Variants in EPHA3 observed in about 807,000 individuals in gnomAD.
The protein encoded by EPHA3 is EPH receptor A3.
A neutral mutation model predicts 107.1 loss-of-function variants in EPHA3; 42 were observed. The observed-to-expected ratio is 0.39, with a 90% confidence interval of 0.31 to 0.51. The LOEUF (loss-of-function observed/expected upper bound fraction) is 0.51, where lower values mean the gene tolerates loss of function less well. Among genes scored for constraint, EPHA3 ranks in the 20% least tolerant of loss-of-function variants. The pLI is 0.78. For synonymous variants in EPHA3, 461 were observed against 424.8 expected, an observed-to-expected ratio of 1.09 and a Z score of -1.05; for missense variants, 1,183 against 1,211.2, an observed-to-expected ratio of 0.98 and a Z score of 0.35.
chr3:89,423,744 C>T (rs1161329245), intron 11 of EPHA3, among the ~76,000 whole-genome samples: 1 of 151,420 alleles, frequency 6.6e-6, no homozygotes, highest in East Asian at 1.9e-4. Context: ...TCATCACTGT[C>T]CACTTATGTC....
At chr3:89,152,880 G>A (rs1324165382) in intron 2 of EPHA3, among the ~76,000 whole-genome samples, 1 of 152,086 alleles carries the variant, frequency 6.6e-6, no homozygotes. Flanking sequence ...TTGATAATTA[G>A]TTTGGTAAAT....
intron 3 of EPHA3, among the ~76,000 whole-genome samples, chr3:89,270,529 A>G (rs1393233049): frequency 1.3e-5 from 2 of 152,098 alleles, no homozygotes; most frequent in African/African-American, 4.8e-5. Flanking sequence ...TAAATTGTGT[A>G]GCCTGAGTAT....
chr3:89,273,503 G>A (rs559981216), intron 3 of EPHA3, among the ~76,000 whole-genome samples: 20 of 151,974 alleles, frequency 1.3e-4, no homozygotes, highest in African/African-American at 4.8e-4. Flanking sequence ...GATGTGAATG[G>A]ATGCTTGTGA....
chr3:89,130,836 C>G (rs1228027004), intron 2 of EPHA3, among the ~76,000 whole-genome samples: 3 of 152,068 alleles, frequency 2.0e-5, no homozygotes, highest in Non-Finnish European at 2.9e-5. Context: ...CGGGGTTTCA[C>G]CGTGTAAGCC....
Position 89,413,217 on chromosome 3 carries a change from C to T in EPHA3, c.1839C>T (p.Ala613=), listed in dbSNP as rs747970629. 1.9e-6 allele frequency: 3 copies of T among 1,611,758 alleles called. No individual in the cohort carries two copies. The South Asian group carries it at 3.3e-5, about 18-fold the overall frequency. Reference sequence around the variant, plus strand: ...CTACCCAAGCTGTTCATGAGTTTGCCAAGGAATTGGATGCCACCAACATAT... The same window carrying T: ...CTACCCAAGCTGTTCATGAGTTTGCTAAGGAATTGGATGCCACCAACATAT... The part of the protein sequence containing the change: ...EDPTQAVHEF[A]KELDATNISI... The change falls in exon 10 of 17, where the codon GCC becomes GCT. Residue 613 remains alanine, a synonymous_variant. Transcript: ENST00000336596.
chr3:89,408,370 A>C (rs1020182519), intron 9 of EPHA3, among the ~76,000 whole-genome samples: 1 of 152,166 alleles, frequency 6.6e-6, no homozygotes. Context: ...TGTGGTTTAC[A>C]TTCAAATAAC....
At chr3:89,402,502 G>A (rs1708983565) in intron 7 of EPHA3, among the ~76,000 whole-genome samples, 1 of 151,878 alleles carries the variant, frequency 6.6e-6, no homozygotes, top group South Asian at 2.1e-4. Flanking sequence ...GGAGGTAAAA[G>A]ACAAAATTTT....
intron 2 of EPHA3, among the ~76,000 whole-genome samples, chr3:89,139,198 A>G (rs1704376065): frequency 6.6e-6 from 1 of 151,920 alleles, no homozygotes; most frequent in African/African-American, 2.4e-5. Flanking sequence ...GAGAGATGCA[A>G]TGCAATGTTT....
rs1257337362 is a variant in EPHA3 at position 89,209,760 on chromosome 3, AATG to A, written c.154-94_154-92del. ...CAAACAAGAATGTTTTTAATGAGTAAATGATGATTTATTATATAGAGATGGCTC... is the reference window on the plus strand; with the variant it reads ...CAAACAAGAATGTTTTTAATGAGTAAATGATTTATTATATAGAGATGGCTC... On this transcript the variant is annotated intron_variant, in intron 2 of 16. Coordinates refer to ENST00000336596, the MANE Select transcript of EPHA3 (RefSeq NM_005233.6). 9 of 991,522 alleles carry A rather than the reference AATG, an allele frequency of 9.1e-6. 1 individual carries two copies. The Admixed American group carries it at 1.0e-4, about 11-fold the overall frequency. The allele number at this position is 991,522 out of a possible 1,614,324, so 61.4% of individuals were successfully genotyped here.
intron 2 of EPHA3, among the ~76,000 whole-genome samples, chr3:89,136,442 C>A (rs1485462160): frequency 7.4e-6 from 1 of 134,992 alleles, no homozygotes; most frequent in African/African-American, 2.8e-5. Context: ...AGAATTTATT[C>A]TAGCGACTTT....
At chr3:89,347,749 G>C (rs1162450072) in intron 5 of EPHA3, among the ~76,000 whole-genome samples, 227 of 150,306 alleles carry the variant, frequency 1.5e-3, no homozygotes, top group African/African-American at 5.4e-3. Flanking sequence ...TTGGCTGTGG[G>C]TTTGTCATAG....
chr3:89,394,698 T>C (rs563601444), intron 5 of EPHA3, among the ~76,000 whole-genome samples: 1 of 152,354 alleles, frequency 6.6e-6, no homozygotes, highest in East Asian at 1.9e-4. Flanking sequence ...ACAGAACTTC[T>C]GCTAACTTGT....
chr3:89,179,384 T>C (rs1226079696), intron 2 of EPHA3, among the ~76,000 whole-genome samples: 1 of 152,056 alleles, frequency 6.6e-6, no homozygotes, highest in Non-Finnish European at 1.5e-5. Context: ...CTTTTATAAT[T>C]AGTTACCACC....
At chr3:89,376,385 T>G (rs1448554719) in intron 5 of EPHA3, among the ~76,000 whole-genome samples, 7 of 151,750 alleles carry the variant, frequency 4.6e-5, no homozygotes, top group Non-Finnish European at 8.8e-5. Context: ...ATTTATAATA[T>G]GTATACATAT....
chr3:89,452,230 G>T (rs1387492196), intron 15 of EPHA3, among the ~76,000 whole-genome samples: 1 of 152,080 alleles, frequency 6.6e-6, no homozygotes, highest in Non-Finnish European at 1.5e-5. Context: ...CCCAGAGTGG[G>T]ATTGCTGGAT....
At chr3:89,246,729 A>G (rs1705042169) in intron 3 of EPHA3, among the ~76,000 whole-genome samples, 1 of 152,230 alleles carries the variant, frequency 6.6e-6, no homozygotes. Flanking sequence ...TAGCTAAGGG[A>G]ATGAAATATG....
intron 15 of EPHA3, among the ~76,000 whole-genome samples, chr3:89,470,598 C>A (rs190934819): frequency 6.6e-6 from 1 of 152,274 alleles, no homozygotes; most frequent in African/African-American, 2.4e-5. Context: ...GGGATTCAAC[C>A]CAGGCCTTAC....
At chr3:89,373,456 G>A (rs917291859) in intron 5 of EPHA3, among the ~76,000 whole-genome samples, 11 of 151,804 alleles carry the variant, frequency 7.2e-5, no homozygotes, top group Non-Finnish European at 1.3e-4. Flanking sequence ...ACAAAACCCT[G>A]GTGTAATAAT....
chr3:89,479,498 T>C lies in EPHA3; in HGVS notation c.2948T>C (p.Val983Ala). ...CAATCAAAGAATGGCCCAGTTCCCG[T>C]GTAAAGCACGGGACGGAAGTGCTTC... ...ETQSKNGPVPV is the reference protein window; with the variant it reads ...ETQSKNGPVPA Residue 983 changes from valine (V) to alanine (A), a missense_variant, in exon 17 of 17, where the codon GTG becomes GCG. By Grantham distance (64) the Val-to-Ala change is moderately conservative. Coordinates refer to ENST00000336596, the MANE Select transcript of EPHA3 (RefSeq NM_005233.6). The C allele has an allele frequency of 6.2e-7, 1 of 1,613,430 alleles. No homozygotes were observed. The highest frequency in any genetic ancestry group is 8.5e-7 in the Non-Finnish European group (1 of 1,179,434).
Sources: gnomAD v4.1 joint callset for allele counts (sites outside exome capture counted in the v4.1 genomes callset) on GRCh38, gnomAD v4.1.1 for gene constraint, MANE v1.5 for transcripts, NCBI Gene and HGNC (gene_info 2026-07-23, HGNC 2026-07-21) for gene names.